ERVK3-1: variants seen among roughly 807,000 people sequenced by gnomAD.
ERVK3-1 encodes endogenous retrovirus group K3 member 1, also known as HERV-K(HML6-1).
downstream of ERVK3-1, chr19:58,315,810 T>C (rs1169591073): frequency 6.6e-6 from 1 of 152,274 alleles, no homozygotes; most frequent in Non-Finnish European, 1.5e-5. Flanking sequence ...CTGCCTGTGC[T>C]CATTAGCCAT....
rs868418911 is a variant in ERVK3-1 at position 58,312,033 on chromosome 19, C to T, written c.-3-133C>T. 1.3e-5 allele frequency: 5 copies of T among 397,208 alleles called. No homozygotes were observed. The highest frequency in any genetic ancestry group is 2.2e-5 in the Non-Finnish European group (5 of 225,668). The allele number at this position is 397,208 out of a possible 1,614,324, so 24.6% of individuals were successfully genotyped here. On this transcript the variant is annotated intron_variant, in intron 2 of 3. Coordinates refer to ENST00000413518, the Ensembl canonical transcript of ERVK3-1. The surrounding 1 kb of genome is among the most constrained non-coding windows in gnomAD (Gnocchi z 4.7). Reference sequence around the variant, plus strand: ...TACGGATGGCAAGACCCCAGCAGAACGACACTGGCAACTGCTAGAGGAAAA... The same window carrying T: ...TACGGATGGCAAGACCCCAGCAGAATGACACTGGCAACTGCTAGAGGAAAA...
At chr19:58,305,472 G>C in intron 1 of ERVK3-1, 27 bp downstream of exon 1, 1 of 152,822 alleles carries the variant, frequency 6.5e-6, no homozygotes, top group East Asian at 1.9e-4. Context: ...GGAGAGGCGA[G>C]GGTGATTGTG....
At position 58,310,916 on chromosome 19, in the gene ERVK3-1, C is replaced by G; in HGVS notation, c.-3-1250C>G. ...CGCTAGACCACGGTCTTCCCAAACG[C>G]TGGCGTCACCACTAGACCAAGGAGC... On this transcript the variant is annotated intron_variant, in intron 2 of 3. Coordinates refer to ENST00000413518, the Ensembl canonical transcript of ERVK3-1. The surrounding 1 kb of genome is among the most constrained non-coding windows in gnomAD (Gnocchi z 4.7). The G allele has an allele frequency of 2.7e-6, 1 of 375,920 alleles. No homozygotes were observed. The highest frequency in any genetic ancestry group is 1.9e-5 in the South Asian group (1 of 51,666). The allele number at this position is 375,920 out of a possible 1,614,324, so 23.3% of individuals were successfully genotyped here.
chr19:58,315,080 A>C (rs904839830), exon 4 of ERVK3-1: 1 of 304,230 alleles, frequency 3.3e-6, no homozygotes, highest in African/African-American at 2.1e-5. Context: ...TGTTAAATCA[A>C]ATAGCTGACC....
chr19:58,314,038 G>C lies in ERVK3-1; in HGVS notation c.295-710G>C, dbSNP rs529561914. 2.0e-5 allele frequency among the ~76,000 whole-genome samples: 3 copies of C among 152,218 alleles called. No homozygotes were observed. In the East Asian group the frequency reaches 5.8e-4, roughly 29 times the overall value. ...AAATTAATACCGAATTACAAACAAA[G>C]GTAGCAATGTTAAAGGCTACTGTTC... On this transcript the variant is annotated intron_variant, in intron 3 of 3. Coordinates refer to ENST00000413518, the Ensembl canonical transcript of ERVK3-1.
chr19:58,316,543 T>C (rs954373690), downstream of ERVK3-1, among the ~76,000 whole-genome samples: 3 of 152,160 alleles, frequency 2.0e-5, no homozygotes, highest in Non-Finnish European at 2.9e-5. Flanking sequence ...TGGTGATGCA[T>C]GCCTGTAATC....
intron 2 of ERVK3-1, among the ~76,000 whole-genome samples, chr19:58,307,633 C>G (rs537828112): frequency 6.4e-4 from 97 of 151,776 alleles, no homozygotes; most frequent in South Asian, 8.3e-4. Flanking sequence ...CCCGCTCCCC[C>G]CAACACACAC....
intron 2 of ERVK3-1, chr19:58,309,517 A>G (rs2051543675): frequency 6.6e-6 from 1 of 152,232 alleles, no homozygotes; most frequent in Non-Finnish European, 1.5e-5. Context: ...ATGTTTATCA[A>G]ACCCTCCAAG....
rs944310902 is a variant in ERVK3-1 at position 58,313,379 on chromosome 19, C to T, written c.294+917C>T. On this transcript the variant is annotated intron_variant, in intron 3 of 3. Coordinates refer to ENST00000413518, the Ensembl canonical transcript of ERVK3-1. The surrounding 1 kb of genome is among the most constrained non-coding windows in gnomAD (Gnocchi z 4.5). ...TCGGGTCACTGCAACCTTTGCCTCC[C>T]GGGTTCAAGCAATTGTCTGCCTCAG... Among the ~76,000 whole-genome samples the T allele has an allele frequency of 6.6e-6, 1 of 152,092 alleles. No homozygotes were observed. Among genetic ancestry groups the T allele is most frequent in the Non-Finnish European group, 1.5e-5 (1 of 68,026 alleles).
exon 4 of ERVK3-1, chr19:58,314,759 G>A (rs1040989021): frequency 4.8e-5 from 19 of 399,820 alleles, no homozygotes; most frequent in South Asian, 3.8e-4. Flanking sequence ...CTATAGGATC[G>A]GGTGAACCAC....
At chr19:58,314,847 G>A (rs1458518509) in exon 4 of ERVK3-1, 2 of 399,808 alleles carry the variant, frequency 5.0e-6, no homozygotes, top group African/African-American at 2.1e-5. Flanking sequence ...AGATGTTGGA[G>A]GCCGAAGGAA....
At position 58,313,578 on chromosome 19, in the gene ERVK3-1, A is replaced by G. The variant is rs2051570856; in HGVS notation, c.294+1116A>G. 6.6e-6 allele frequency among the ~76,000 whole-genome samples: 1 copy of G among 152,226 alleles called. No individual in the cohort carries two copies. The highest frequency in any genetic ancestry group is 1.5e-5 in the Non-Finnish European group (1 of 68,032). ...AGTGCTGGGATTACAGGCGTGAGCC[A>G]CCATGCCCGGCCAGTTTGTGTTTTT... On this transcript the variant is annotated intron_variant, in intron 3 of 3. Coordinates refer to ENST00000413518, the Ensembl canonical transcript of ERVK3-1. This position sits in a 1 kb window ranked among gnomAD's most constrained non-coding sequence, Gnocchi z 4.5.
rs541423217 is a variant in ERVK3-1, at chr19:58,314,221, T to C, written c.295-527T>C. 2.0e-5 allele frequency among the ~76,000 whole-genome samples: 3 copies of C among 152,342 alleles called. No individual in the cohort carries two copies. In the East Asian group the frequency reaches 5.8e-4, roughly 29 times the overall value. On this transcript the variant is annotated intron_variant, in intron 3 of 3. Coordinates refer to ENST00000413518, the Ensembl canonical transcript of ERVK3-1. ...ATTTGCAGGGAGCTTTTACATCCAA[T>C]ATTACTTTTGATATCAGTAACTTAC...
chr19:58,315,132 A>C, exon 4 of ERVK3-1: 3 of 203,430 alleles, frequency 1.5e-5, no homozygotes, highest in Non-Finnish European at 2.0e-5. Context: ...CCTAATAAAT[A>C]TGAAGGGCTG....
chr19:58,308,299 A>G (rs543788995), intron 2 of ERVK3-1, among the ~76,000 whole-genome samples: 1 of 152,334 alleles, frequency 6.6e-6, no homozygotes, highest in East Asian at 1.9e-4. Flanking sequence ...GGGTGTATGG[A>G]CACAGGAGCA....
rs1377895300 is a variant in ERVK3-1, at chr19:58,313,723, C to T, written c.295-1025C>T. ...ATCATAGCACAATACAAACACACAA[C>T]ATATCCACTCTAATAATTCTGGGTC... On this transcript the variant is annotated intron_variant, in intron 3 of 3. Transcript: ENST00000413518. The surrounding 1 kb of genome is among the most constrained non-coding windows in gnomAD (Gnocchi z 4.5). Among the ~76,000 whole-genome samples, 3 of 152,238 alleles carry T rather than the reference C, an allele frequency of 2.0e-5. No individual in the cohort carries two copies. Among genetic ancestry groups the T allele is most frequent in the African/African-American group, 7.2e-5 (3 of 41,474 alleles).
intron 3 of ERVK3-1, among the ~76,000 whole-genome samples, chr19:58,314,508 T>C (rs1295737669): frequency 1.3e-5 from 2 of 151,080 alleles, no homozygotes; most frequent in Non-Finnish European, 2.9e-5. Flanking sequence ...GCACCTGTAG[T>C]CCCAGCTAAT....
chr19:58,306,098 G>C (rs2051521647), exon 2 of ERVK3-1: 2 of 152,264 alleles, frequency 1.3e-5, no homozygotes, highest in African/African-American at 4.8e-5. Context: ...AAGCAACCGT[G>C]ACAAGTGGTG....
At chr19:58,309,846 A>T (rs2051545626) in intron 2 of ERVK3-1, 1 of 152,230 alleles carries the variant, frequency 6.6e-6, no homozygotes, top group South Asian at 2.1e-4. Flanking sequence ...ATCCTGATAA[A>T]ATTATTGTTA....
Sources: allele counts gnomAD v4.1 joint callset (sites outside exome capture counted in the v4.1 genomes callset), GRCh38; gene constraint gnomAD v4.1.1; non-coding constraint Gnocchi (gnomAD v3.1); transcripts MANE v1.5; gene names NCBI Gene and HGNC (gene_info 2026-07-23, HGNC 2026-07-21).